The following CFAP206 variants were observed in gnomAD, a reference collection of about 807,000 sequenced individuals.
The protein encoded by CFAP206 is cilia- and flagella-associated protein 206.
Under a neutral mutation model 65.4 loss-of-function variants are expected in CFAP206, and 53 were observed. The ratio of observed to expected loss-of-function variants is 0.81; its 90% confidence interval spans 0.65 to 1.02. The LOEUF (loss-of-function observed/expected upper bound fraction) is 1.02, where lower values mean the gene tolerates loss of function less well. CFAP206 is among the 50% of genes least tolerant of loss of function. CFAP206 has a pLI of 0.00. For missense variants in CFAP206, 663 were observed against 753.2 expected, an observed-to-expected ratio of 0.88 and a Z score of 1.40; for synonymous variants, 250 against 254.4, an observed-to-expected ratio of 0.98 and a Z score of 0.17.
At chr6:87,427,473 T>C (rs1221610369) in intron 8 of CFAP206, among the ~76,000 whole-genome samples, 1 of 152,218 alleles carries the variant, frequency 6.6e-6, no homozygotes, top group Non-Finnish European at 1.5e-5. Flanking sequence ...TATGAGGCTG[T>C]AATAACTTTC....
intron 4 of CFAP206, among the ~76,000 whole-genome samples, chr6:87,415,293 T>C (rs915975478): frequency 6.0e-5 from 9 of 150,842 alleles, no homozygotes; most frequent in African/African-American, 2.2e-4. Flanking sequence ...TGCTTACATA[T>C]AGCATAAATA....
chr6:87,408,449 C>T (rs1767665524), intron 1 of CFAP206: 1 of 152,250 alleles, frequency 6.6e-6, no homozygotes, highest in Non-Finnish European at 1.5e-5. Flanking sequence ...CCGGCAGCGG[C>T]GCGCATGCGC....
intron 11 of CFAP206, chr6:87,435,338 A>G (rs1239902589): frequency 8.2e-6 from 2 of 243,056 alleles, no homozygotes; most frequent in African/African-American, 4.6e-5. Context: ...ATATTTCTGT[A>G]TCTGAAATTG....
chr6:87,415,765 A>G lies in CFAP206; in HGVS notation c.363A>G (p.Ala121=), dbSNP rs747475284. 3 of 1,613,682 alleles carry G rather than the reference A, an allele frequency of 1.9e-6. No homozygotes were observed. The highest frequency in any genetic ancestry group is 2.5e-6 in the Non-Finnish European group (3 of 1,179,736). Residue 121 remains alanine, a synonymous_variant, in exon 5 of 13, where the codon GCA becomes GCG. Transcript: ENST00000369562. ...SVTREITDNR[A]CAKEELESLY... is the part of the protein sequence containing the mutation. ...CCCGAGAAATTACAGATAACAGAGC[A>G]TGTGCTAAAGAAGAATTGGAAAGCC... is the stretch of plus-strand genomic sequence containing the variant.
At chr6:87,443,649 A>G (rs1464323712) in intron 11 of CFAP206, among the ~76,000 whole-genome samples, 1 of 152,116 alleles carries the variant, frequency 6.6e-6, no homozygotes, top group Non-Finnish European at 1.5e-5. Flanking sequence ...TTTTAGATTC[A>G]GGGTGCAAAA....
At chr6:87,424,309 T>C (rs1455293028) in intron 7 of CFAP206, among the ~76,000 whole-genome samples, 1 of 152,226 alleles carries the variant, frequency 6.6e-6, no homozygotes, top group Non-Finnish European at 1.5e-5. Context: ...GGACAGAGTC[T>C]CGCTCTGTTG....
chr6:87,448,825 T>C (rs1169051801), intron 11 of CFAP206, among the ~76,000 whole-genome samples: 1 of 152,166 alleles, frequency 6.6e-6, no homozygotes, highest in African/African-American at 2.4e-5. Flanking sequence ...CATGTTGCTG[T>C]AAATGACAGG....
intron 11 of CFAP206, 169 bp downstream of exon 11, chr6:87,435,222 C>A: frequency 2.1e-6 from 1 of 473,128 alleles, no homozygotes; most frequent in South Asian, 3.4e-5. Context: ...CTAATTGAAT[C>A]AAAGAATAAT....
At chr6:87,414,262 T>G (rs543104320) in intron 4 of CFAP206, among the ~76,000 whole-genome samples, 15 of 152,350 alleles carry the variant, frequency 9.8e-5, no homozygotes, top group Admixed American at 9.8e-4. Context: ...TATTCAAAAA[T>G]GAACGATGGG....
intron 7 of CFAP206, among the ~76,000 whole-genome samples, chr6:87,422,451 G>GAA (rs754181099): frequency 9.8e-4 from 58 of 59,116 alleles, no homozygotes; most frequent in African/African-American, 9.3e-4. Flanking sequence ...ACTCCATCTC[G>GAA]AAAAAAAAAA....
Position 87,418,264 on chromosome 6 carries a change from CT to C in CFAP206, c.690del (p.Glu231ArgfsTer23). ...CACCATGCAGCATATTGATTACCAG[CT>C]TGAGACTGCCCGGAGCCAGGTATAC... is the stretch of plus-strand genomic sequence containing the variant. Reference protein sequence around the residue: ...PATMQHIDYQLETARSQVYRY... With the variant: ...PATMQHIDYQXETARSQVYRY... On this transcript the variant is annotated frameshift_variant, in exon 7 of 13. Coordinates refer to ENST00000369562, the MANE Select transcript of CFAP206 (RefSeq NM_001031743.3). LOFTEE classifies it high-confidence loss of function. The C allele has an allele frequency of 6.2e-7, 1 of 1,614,172 alleles. No individual in the cohort carries two copies. The highest frequency in any genetic ancestry group is 8.5e-7 in the Non-Finnish European group (1 of 1,180,026).
intron 11 of CFAP206, chr6:87,442,235 C>T (rs1311573590): frequency 6.5e-6 from 1 of 153,252 alleles, no homozygotes; most frequent in African/African-American, 2.4e-5. Flanking sequence ...GCAAATTGTT[C>T]AGGATGTGTT....
At position 87,443,608 on chromosome 6, in the gene CFAP206, A is replaced by G. The variant is rs184307930; in HGVS notation, c.1494+8555A>G. 7.9e-5 allele frequency among the ~76,000 whole-genome samples: 12 copies of G among 152,282 alleles called. No homozygotes were observed. The East Asian group carries it at 1.5e-3, about 20-fold the overall frequency. On this transcript the variant is annotated intron_variant, in intron 11 of 12. Transcript: ENST00000369562. ...CTATACTATGAGAGTTGTATGTCAC[A>G]TAAGTTTTTTAAAAATGATTACAAC...
chr6:87,415,536 C>T, intron 4 of CFAP206, 150 bp from the exon 5 acceptor site: 1 of 756,254 alleles, frequency 1.3e-6, no homozygotes, highest in Non-Finnish European at 2.3e-6. Flanking sequence ...TACATGCTGG[C>T]CACTGTTTTT....
chr6:87,422,685 A>G (rs1345228392), intron 7 of CFAP206, among the ~76,000 whole-genome samples: 1 of 149,210 alleles, frequency 6.7e-6, no homozygotes, highest in Admixed American at 6.7e-5. Flanking sequence ...CGGAGGGTGG[A>G]GGCTGCAGTG....
intron 8 of CFAP206, among the ~76,000 whole-genome samples, chr6:87,427,131 T>TTTTA (rs1229094678): frequency 2.6e-5 from 4 of 152,090 alleles, no homozygotes; most frequent in East Asian, 1.9e-4. Context: ...GCAGTATTAT[T>TTTTA]TTTATTTATT....
chr6:87,442,484 T>C (rs1222612639), intron 11 of CFAP206, among the ~76,000 whole-genome samples: 2 of 152,282 alleles, frequency 1.3e-5, no homozygotes, highest in South Asian at 2.1e-4. Context: ...TTATACTCTT[T>C]ACTTTTATCT....
At chr6:87,425,657 T>C (rs1195127060) in intron 7 of CFAP206, 2 of 152,150 alleles carry the variant, frequency 1.3e-5, no homozygotes, top group Non-Finnish European at 2.9e-5. Context: ...GGCATGAAAA[T>C]AAAAACTGAA....
chr6:87,455,023 A>G (rs1404070269), intron 11 of CFAP206, among the ~76,000 whole-genome samples: 3 of 151,496 alleles, frequency 2.0e-5, no homozygotes, highest in African/African-American at 7.3e-5. Flanking sequence ...CCCGGGTTCA[A>G]GTGATTCTCC....
Sources: allele counts gnomAD v4.1 joint callset (sites outside exome capture counted in the v4.1 genomes callset), GRCh38; gene constraint gnomAD v4.1.1; transcripts MANE v1.5; gene names NCBI Gene and HGNC (gene_info 2026-07-23, HGNC 2026-07-21).